Variants in USP9X observed in about 807,000 individuals in gnomAD.
The protein encoded by USP9X is ubiquitin specific peptidase 9 X-linked, also known as ubiquitin carboxyl-terminal hydrolase 9X.
USP9X carries 7 observed loss-of-function variants against 190.3 expected under a neutral mutation model. The observed-to-expected ratio is 0.04, with a 90% CI of 0.02 to 0.07. The LOEUF (loss-of-function observed/expected upper bound fraction) is 0.07, where lower values mean the gene tolerates loss of function less well. Ranked by LOEUF, USP9X falls within the 10% of genes least tolerant of loss-of-function variation. The probability of loss-of-function intolerance (pLI) is 1.00; values close to 1 mark genes in which losing one functional copy is unlikely to be tolerated. For missense variants in USP9X, 1,010 were observed against 1,916.9 expected, an observed-to-expected ratio of 0.53 and a Z score of 8.83; for synonymous variants, 645 against 659.5, an observed-to-expected ratio of 0.98 and a Z score of 0.34.
At chrX:41,151,090 T>A (rs2062520511) in intron 13 of USP9X, 33 bp downstream of exon 13, 2 of 1,156,620 alleles carry the variant, frequency 1.7e-6, no homozygotes, top group Admixed American at 2.6e-5. Flanking sequence ...ATTTCAATAC[T>A]TAAAATTTAT....
At chrX:41,086,307 C>T (rs1415150247) in intron 1 of USP9X, among the ~76,000 whole-genome samples, 198 bp downstream of exon 1, 1 of 111,525 alleles carries the variant, frequency 9.0e-6, no homozygotes, top group Non-Finnish European at 1.9e-5. Flanking sequence ...TGTGTGGAGC[C>T]GGTGTCCCGA....
intron 1 of USP9X, among the ~76,000 whole-genome samples, chrX:41,109,858 T>C (rs2062096298): frequency 9.0e-6 from 1 of 111,654 alleles, no homozygotes; most frequent in Non-Finnish European, 1.9e-5. Context: ...AATGATAAAG[T>C]CTGTGCAAAT....
intron 15 of USP9X, among the ~76,000 whole-genome samples, chrX:41,165,552 A>G (rs1225099731): frequency 1.8e-5 from 2 of 111,826 alleles, no homozygotes. Context: ...AACTCAAGCT[A>G]CTAAACATGC....
At chrX:41,178,150 T>G (rs986309541) in intron 21 of USP9X, among the ~76,000 whole-genome samples, 2 of 88,076 alleles carry the variant, frequency 2.3e-5, no homozygotes, top group Non-Finnish European at 4.3e-5. Context: ...CATGCTGGAG[T>G]AGTGCAGTGG....
chrX:41,186,240 G>T (rs976207910), intron 23 of USP9X, among the ~76,000 whole-genome samples: 3 of 111,228 alleles, frequency 2.7e-5, no homozygotes, highest in Non-Finnish European at 5.7e-5. Flanking sequence ...TCTATTTAGT[G>T]TATCATTATC....
At position 41,196,235 on chromosome X, in the gene USP9X, A is replaced by G; in HGVS notation, c.3978-16A>G. ...ATGGAAATAATGTATTAAATGTGAA[A>G]CATTTTTTATTTCAGAACTGTTCGT... On this transcript the variant is annotated splice_polypyrimidine_tract_variant and intron_variant, in intron 26 of 44. Coordinates refer to ENST00000378308, the MANE Select transcript of USP9X (RefSeq NM_001039591.3). The G allele has an allele frequency of 8.3e-7, 1 of 1,205,416 alleles. No homozygotes were observed. The highest frequency in any genetic ancestry group is 3.0e-5 in the East Asian group (1 of 33,833).
chrX:41,086,383 C>A (rs1478996771), intron 1 of USP9X, among the ~76,000 whole-genome samples: 3 of 112,359 alleles, frequency 2.7e-5, no homozygotes, highest in African/African-American at 9.7e-5. Context: ...CCCCCTCCTC[C>A]CCCTTCCCGT....
In USP9X at chrX:41,171,965, A is replaced by G; in HGVS notation, c.3148+7A>G. On this transcript the variant is annotated splice_region_variant and intron_variant, in intron 21 of 44. Coordinates refer to ENST00000378308, the MANE Select transcript of USP9X (RefSeq NM_001039591.3). The stretch of plus-strand genomic sequence containing the variant: ...ATGAAACTTATGCCGCCAGGTAAGA[A>G]TTTTTAAATGATGATCAAGTACTTG... 1.7e-6 allele frequency: 2 copies of G among 1,209,143 alleles called. No individual in the cohort carries two copies. The highest frequency in any genetic ancestry group is 2.2e-6 in the Non-Finnish European group (2 of 894,604).
At chrX:41,206,800 G>A (rs952927242) in intron 32 of USP9X, among the ~76,000 whole-genome samples, 2 of 108,028 alleles carry the variant, frequency 1.9e-5, no homozygotes, top group Non-Finnish European at 3.8e-5. Context: ...CCCCTGAGAT[G>A]GAGTCTTTGC....
rs1426031685 is a variant in USP9X at position 41,236,178 on chromosome X, C to A, written c.*3654C>A. The stretch of plus-strand genomic sequence containing the variant: ...TTTTGTGTTACCAAGAAAAAAAAAA[C>A]AGTATTGGTTTCATAGTAGGACTCA... On this transcript the variant is annotated 3_prime_UTR_variant, in exon 45 of 45. Transcript: ENST00000378308. 4 of 110,370 alleles carry A rather than the reference C, an allele frequency of 3.6e-5. No homozygotes were observed. The highest frequency in any genetic ancestry group is 5.7e-5 in the Non-Finnish European group (3 of 52,699). The allele number at this position is 110,370 out of a possible 1,213,427, so 9.1% of individuals were successfully genotyped here. A position where few individuals can be genotyped will look rare whatever the true frequency, so the allele number is the denominator to read the frequency against.
chrX:41,161,396 G>C (rs2062629997), intron 14 of USP9X, among the ~76,000 whole-genome samples: 1 of 86,588 alleles, frequency 1.2e-5, no homozygotes, highest in African/African-American at 4.5e-5. Flanking sequence ...CTGGAGTGTA[G>C]TGGCACAATC....
At position 41,189,617 on chromosome X, in the gene USP9X, G is replaced by T. The variant is rs773348133; in HGVS notation, c.3977+142G>T. 51 of 513,318 alleles carry T rather than the reference G, an allele frequency of 9.9e-5. No individual in the cohort carries two copies. The East Asian group carries it at 1.5e-3, about 15-fold the overall frequency. The allele number at this position is 513,318 out of a possible 1,213,427, so 42.3% of individuals were successfully genotyped here. ...TTGAGGAAAATTTTATTATTTAAGA[G>T]TGTTTTGCTTAACCTAAATGTTTGG... On this transcript the variant is annotated intron_variant, in intron 26 of 44. Coordinates refer to ENST00000378308, the MANE Select transcript of USP9X (RefSeq NM_001039591.3).
intron 1 of USP9X, among the ~76,000 whole-genome samples, chrX:41,113,805 C>T (rs780366266): frequency 3.6e-5 from 4 of 111,133 alleles, no homozygotes; most frequent in South Asian, 3.7e-4. Context: ...GTGTCATGAA[C>T]GCGTAAAATA....
chrX:41,171,855 C>T lies in USP9X; in HGVS notation c.3045C>T (p.Pro1015=), dbSNP rs1240942669. The stretch of plus-strand genomic sequence containing the variant: ...TATTCTAGATAATGTCACTGCATCC[C>T]AGATACATCTCTTTTCTTTGGCAAG... ...CLPGVIMSLH[P]RYISFLWQVA... is the part of the protein sequence containing the mutation. The change falls in exon 21 of 45, where the codon CCC becomes CCT. Residue 1015 remains proline, a synonymous_variant. Transcript: ENST00000378308. 3.3e-6 allele frequency: 4 copies of T among 1,207,793 alleles called. No individual in the cohort carries two copies. The highest frequency in any genetic ancestry group is 3.5e-5 in the South Asian group (2 of 56,620).
intron 37 of USP9X, 139 bp downstream of exon 37, chrX:41,218,736 C>G: frequency 1.8e-6 from 1 of 550,162 alleles, no homozygotes; most frequent in Non-Finnish European, 2.9e-6. Flanking sequence ...TCAGTGAGTT[C>G]CATTTAATAT....
chrX:41,153,985 T>C (rs1395062980), intron 14 of USP9X, among the ~76,000 whole-genome samples: 1 of 112,096 alleles, frequency 8.9e-6, no homozygotes, highest in Non-Finnish European at 1.9e-5. Context: ...TTTGACATTA[T>C]TGAATAAAAT....
chrX:41,086,147 G>A (rs2061908746), intron 1 of USP9X, 38 bp downstream of exon 1: 1 of 295,633 alleles, frequency 3.4e-6, no homozygotes, highest in Non-Finnish European at 5.9e-6. Flanking sequence ...GCTCTTTCCC[G>A]GGGCCAACAG....
chrX:41,193,619 G>A (rs778673547), intron 26 of USP9X, among the ~76,000 whole-genome samples: 8 of 111,841 alleles, frequency 7.2e-5, no homozygotes, highest in East Asian at 2.8e-4. Context: ...AGCCCTGATC[G>A]TGCCACTGCA....
intron 6 of USP9X, among the ~76,000 whole-genome samples, chrX:41,139,542 TCAC>T (rs2062404444): frequency 6.3e-5 from 7 of 111,772 alleles, no homozygotes; most frequent in African/African-American, 2.3e-4. Flanking sequence ...GTGCCTATAA[TCAC>T]AGCTACTTGA....
Sources: gnomAD v4.1 joint callset for allele counts (sites outside exome capture counted in the v4.1 genomes callset) on GRCh38, gnomAD v4.1.1 for gene constraint, MANE v1.5 for transcripts, NCBI Gene and HGNC (gene_info 2026-07-23, HGNC 2026-07-21) for gene names.